Variants in FOXO3 observed in about 807,000 individuals in gnomAD.
FOXO3 encodes the protein forkhead box O3.
FOXO3 carries 4 observed loss-of-function variants against 41.9 expected under a neutral mutation model. That is an observed-to-expected ratio of 0.10 (90% CI 0.05 to 0.22). The LOEUF is 0.22. FOXO3 is among the 10% of genes least tolerant of loss of function. The pLI, the probability that FOXO3 is intolerant of heterozygous loss-of-function variation, is 1.00. For synonymous variants in FOXO3, 318 were observed against 389.3 expected (o/e 0.82, Z 2.16); for missense variants, 534 against 906.8 (o/e 0.59, Z 5.28).
At chr6:108,605,555 A>C (rs755191296) in intron 1 of FOXO3, among the ~76,000 whole-genome samples, 1 of 152,224 alleles carries the variant, frequency 6.6e-6, no homozygotes, top group Non-Finnish European at 1.5e-5. Flanking sequence ...CATTTCTCAG[A>C]AAAAGAAACA....
chr6:108,670,428 A>G (rs1779185558), intron 2 of FOXO3, among the ~76,000 whole-genome samples: 1 of 151,586 alleles, frequency 6.6e-6, no homozygotes, highest in Non-Finnish European at 1.5e-5. Context: ...AATGTTTCTC[A>G]AAATGTTTCT....
chr6:108,651,903 A>G (rs949041704), intron 1 of FOXO3, among the ~76,000 whole-genome samples: 1 of 152,224 alleles, frequency 6.6e-6, no homozygotes, highest in Non-Finnish European at 1.5e-5. Flanking sequence ...AGATTCACAT[A>G]GTTTTAGAGC....
intron 1 of FOXO3, among the ~76,000 whole-genome samples, chr6:108,585,844 T>C (rs768376422): frequency 1.6e-4 from 25 of 152,224 alleles, no homozygotes; most frequent in African/African-American, 6.0e-4. Flanking sequence ...CGCTCTGTGC[T>C]TAGAGGCGTC....
At chr6:108,641,787 CA>C (rs1056058549) in intron 1 of FOXO3, among the ~76,000 whole-genome samples, 5 of 151,070 alleles carry the variant, frequency 3.3e-5, no homozygotes, top group South Asian at 2.1e-4. Flanking sequence ...AGAATTGCCA[CA>C]AAAAAAATAC....
intron 1 of FOXO3, among the ~76,000 whole-genome samples, chr6:108,584,810 A>G (rs117867552): frequency 1.1e-3 from 164 of 152,258 alleles, no homozygotes; most frequent in Non-Finnish European, 1.7e-3. Flanking sequence ...AATAACAATA[A>G]TGATAGCCTT....
At chr6:108,565,290 C>G (rs1582725743) in intron 1 of FOXO3, among the ~76,000 whole-genome samples, 1 of 152,132 alleles carries the variant, frequency 6.6e-6, no homozygotes, top group East Asian at 1.9e-4. Context: ...GATACTGTGT[C>G]AGGGAGAAGG....
chr6:108,561,140 C>G lies in FOXO3; in HGVS notation c.-69C>G, dbSNP rs1288398370. 9 of 1,483,752 alleles carry G rather than the reference C, an allele frequency of 6.1e-6. No homozygotes were observed. The Admixed American group carries it at 1.3e-4, about 22-fold the overall frequency. 91.9% of individuals were successfully genotyped at this position (1,483,752 alleles called of 1,614,324 possible). A position where few individuals can be genotyped will look rare whatever the true frequency, so the allele number is the denominator to read the frequency against. ...CCTTCGCGGCGTCCACGTCCCTCCC[C>G]CGCTGCACCCCGCCCCGGCGCGAGA... On this transcript the variant is annotated 5_prime_UTR_variant, in exon 1 of 3. Transcript: ENST00000406360.
intron 1 of FOXO3, among the ~76,000 whole-genome samples, chr6:108,574,302 T>C (rs1023500724): frequency 6.6e-6 from 1 of 152,150 alleles, no homozygotes; most frequent in Admixed American, 6.5e-5. Flanking sequence ...TGGTTTACTA[T>C]GGGTCAGAGG....
At chr6:108,632,837 A>G (rs1011501242) in intron 1 of FOXO3, among the ~76,000 whole-genome samples, 6 of 152,178 alleles carry the variant, frequency 3.9e-5, no homozygotes, top group African/African-American at 1.2e-4. Flanking sequence ...AGAGATTTCT[A>G]CTTTACCAAG....
At chr6:108,628,821 G>A (rs978764233) in intron 1 of FOXO3, among the ~76,000 whole-genome samples, 1 of 152,048 alleles carries the variant, frequency 6.6e-6, no homozygotes, top group African/African-American at 2.4e-5. Context: ...ACAAAAAATG[G>A]GAAGAATCTT....
chr6:108,682,264 G>C lies in FOXO3; in HGVS notation c.*2472G>C, dbSNP rs1368920352. 1 of 152,626 alleles carries C rather than the reference G, an allele frequency of 6.6e-6. No individual in the cohort carries two copies. The highest frequency in any genetic ancestry group is 1.5e-5 in the Non-Finnish European group (1 of 67,928). 9.5% of individuals were successfully genotyped at this position (152,626 alleles called of 1,614,324 possible). A position where few individuals can be genotyped will look rare whatever the true frequency, so the allele number is the denominator to read the frequency against. The stretch of plus-strand genomic sequence containing the variant: ...TGAATTTCAGGCAGAATGTCTTACA[G>C]AATGTCCTAGAACCAGATTATCATT... On this transcript the variant is annotated 3_prime_UTR_variant, in exon 3 of 3. Transcript: ENST00000406360.
intron 1 of FOXO3, among the ~76,000 whole-genome samples, chr6:108,661,245 C>T (rs894471665): frequency 7.3e-5 from 11 of 151,704 alleles, no homozygotes; most frequent in Admixed American, 3.9e-4. Flanking sequence ...CTGTCTCGGG[C>T]GGCGGGGGGA....
chr6:108,634,527 A>G (rs1244434847), intron 1 of FOXO3, among the ~76,000 whole-genome samples: 1 of 152,096 alleles, frequency 6.6e-6, no homozygotes, highest in African/African-American at 2.4e-5. Flanking sequence ...TTGAGCCATA[A>G]TATCTAGGGT....
intron 1 of FOXO3, among the ~76,000 whole-genome samples, chr6:108,576,281 TGGG>T (rs1244612839): frequency 1.2e-4 from 19 of 152,334 alleles, no homozygotes; most frequent in Non-Finnish European, 2.5e-4. Context: ...CTAGGTGATT[TGGG>T]CCATATTTTA....
intron 2 of FOXO3, among the ~76,000 whole-genome samples, chr6:108,669,119 T>TA (rs1381761256): frequency 2.6e-5 from 4 of 151,352 alleles, no homozygotes; most frequent in Non-Finnish European, 4.4e-5. Context: ...TCTCAAAAAA[T>TA]AAAAAAAATA....
intron 1 of FOXO3, among the ~76,000 whole-genome samples, chr6:108,625,446 A>G (rs1777786156): frequency 6.6e-6 from 1 of 152,232 alleles, no homozygotes; most frequent in Non-Finnish European, 1.5e-5. Context: ...TGATCACAGG[A>G]CCACAGTTAA....
At chr6:108,648,382 C>T (rs1778451097) in intron 1 of FOXO3, among the ~76,000 whole-genome samples, 1 of 152,176 alleles carries the variant, frequency 6.6e-6, no homozygotes, top group Non-Finnish European at 1.5e-5. Flanking sequence ...TGAGTAACAG[C>T]TGAAAAAGAT....
chr6:108,573,458 C>T (rs1776166603), intron 1 of FOXO3, among the ~76,000 whole-genome samples: 1 of 152,188 alleles, frequency 6.6e-6, no homozygotes, highest in African/African-American at 2.4e-5. Context: ...AACAGCACCT[C>T]TCTGTGTGCT....
At chr6:108,658,832 T>C (rs919750919) in intron 1 of FOXO3, among the ~76,000 whole-genome samples, 3 of 152,108 alleles carry the variant, frequency 2.0e-5, no homozygotes, top group African/African-American at 7.2e-5. Flanking sequence ...TACTTTGAGG[T>C]TTCCTCTTCT....
Sources: gnomAD v4.1 joint callset for allele counts (sites outside exome capture counted in the v4.1 genomes callset) on GRCh38, gnomAD v4.1.1 for gene constraint, MANE v1.5 for transcripts, NCBI Gene and HGNC (gene_info 2026-07-23, HGNC 2026-07-21) for gene names.